Variants in MGAM observed in about 807,000 individuals in gnomAD.
The protein encoded by MGAM is alpha-1,4-glucosidase.
A neutral mutation model predicts 358.8 loss-of-function variants in MGAM; 253 were observed. That is an observed-to-expected ratio of 0.71 (90% CI 0.64 to 0.78). MGAM has a LOEUF of 0.78. Ranked by LOEUF, MGAM falls within the 30% of genes least tolerant of loss-of-function variation. MGAM has a pLI of 0.00. For missense variants in MGAM, 3,080 were observed against 3,432.6 expected (o/e 0.90, Z 2.57); for synonymous variants, 1,105 against 1,227.1 (o/e 0.90, Z 2.08).
chr7:142,055,313 G>T (rs1461314298), intron 27 of MGAM, among the ~76,000 whole-genome samples: 2 of 152,144 alleles, frequency 1.3e-5, no homozygotes, highest in Non-Finnish European at 2.9e-5. Context: ...GGGGTGCTTG[G>T]ATTTGTATTG....
intron 45 of MGAM, among the ~76,000 whole-genome samples, chr7:142,074,397 T>C (rs993989459): frequency 2.1e-5 from 3 of 141,542 alleles, no homozygotes; most frequent in African/African-American, 7.9e-5. Flanking sequence ...CATTCGCCAG[T>C]GATACCTATA....
At chr7:142,025,345 C>A (rs1288686568) in intron 8 of MGAM, among the ~76,000 whole-genome samples, 196 bp downstream of exon 8, 1 of 152,130 alleles carries the variant, frequency 6.6e-6, no homozygotes, top group Non-Finnish European at 1.5e-5. Flanking sequence ...GGGATTTTCT[C>A]CAACTTATGA....
chr7:142,055,487 TG>T lies in MGAM; in HGVS notation c.3315-70del, dbSNP rs1299799898. The T allele has an allele frequency of 8.2e-6, 13 of 1,593,734 alleles. No individual in the cohort carries two copies. In the African/African-American group the frequency reaches 1.6e-4, roughly 20 times the overall value. On this transcript the variant is annotated intron_variant, in intron 27 of 70. Transcript: ENST00000475668. ...TAGGAATCAAGTGTTCTGTTGTCCTTGAAAAGTCACCTGCTGGAAACAGAGA... is the reference window on the plus strand; with the variant it reads ...TAGGAATCAAGTGTTCTGTTGTCCTTAAAAGTCACCTGCTGGAAACAGAGA...
At chr7:142,072,571 T>C (rs1222107862) in intron 44 of MGAM, among the ~76,000 whole-genome samples, 1 of 146,420 alleles carries the variant, frequency 6.8e-6, no homozygotes, top group Non-Finnish European at 1.5e-5. Flanking sequence ...ATCTGAAGTG[T>C]TTAGGACCAT....
At position 142,005,627 on chromosome 7, in the gene MGAM, CT is replaced by C; in HGVS notation, c.101del (p.Leu34Ter). ...LFIISIVLIV[L>X]LAKESLKSTA... is the part of the protein sequence containing the mutation. ...TATCATCAGTATTGTTCTAATTGTG[CT>C]TTTAGCCAAAGAGTCACTGAAATCA... On this transcript the variant is annotated frameshift_variant, in exon 2 of 71. Coordinates refer to ENST00000475668, the MANE Select transcript of MGAM (RefSeq NM_001365693.1). LOFTEE classifies it high-confidence loss of function. The C allele has an allele frequency of 3.8e-6, 6 of 1,598,616 alleles. No homozygotes were observed. The South Asian group carries it at 4.5e-5, about 12-fold the overall frequency.
intron 19 of MGAM, 85 bp downstream of exon 19, chr7:142,038,700 C>A: frequency 9.5e-7 from 1 of 1,047,274 alleles, no homozygotes; most frequent in South Asian, 1.7e-5. Flanking sequence ...TTATTCCAAA[C>A]TCACTTCTGA....
chr7:142,020,831 A>C lies in MGAM; in HGVS notation c.449-143A>C. 4.7e-6 allele frequency: 3 copies of C among 636,622 alleles called. No individual in the cohort carries two copies. The South Asian group carries it at 5.3e-5, about 11-fold the overall frequency. The allele number at this position is 636,622 out of a possible 1,614,324, so 39.4% of individuals were successfully genotyped here. A position where few individuals can be genotyped will look rare whatever the true frequency, so the allele number is the denominator to read the frequency against. ...CTGGTCTCGAATTCCTGACCTTGTG[A>C]TCCACCTGCCTTGGCCTCCCAAAGT... On this transcript the variant is annotated intron_variant, in intron 4 of 70. Coordinates refer to ENST00000475668, the MANE Select transcript of MGAM (RefSeq NM_001365693.1).
chr7:142,086,807 A>T, intron 57 of MGAM, 90 bp downstream of exon 57: 1 of 633,386 alleles, frequency 1.6e-6, no homozygotes, highest in Non-Finnish European at 2.4e-6. Flanking sequence ...TACTGTGGAC[A>T]TGGGCTTGGC....
At position 142,079,504 on chromosome 7, in the gene MGAM, A is replaced by G. The variant is rs192833919; in HGVS notation, c.5847+496A>G. ...ATACTGAAAAGGTTTGTGCTTGATC[A>G]ATGTAAGATGATATGTTCAGTTTGG... On this transcript the variant is annotated intron_variant, in intron 49 of 70. Coordinates refer to ENST00000475668, the MANE Select transcript of MGAM (RefSeq NM_001365693.1). 1.4e-5 allele frequency among the ~76,000 whole-genome samples: 2 copies of G among 146,126 alleles called. 1 individual carries two copies. The highest frequency in any genetic ancestry group is 4.0e-4 in the East Asian group (2 of 4,972).
At chr7:142,080,292 A>T (rs1164800382) in intron 49 of MGAM, among the ~76,000 whole-genome samples, 2 of 146,180 alleles carry the variant, frequency 1.4e-5, no homozygotes, top group Non-Finnish European at 1.5e-5. Flanking sequence ...AAACCATAAC[A>T]CTGCCTTATT....
At chr7:142,062,860 G>A (rs188572100) in intron 35 of MGAM, among the ~76,000 whole-genome samples, 158 bp downstream of exon 35, 105 of 152,234 alleles carry the variant, frequency 6.9e-4, no homozygotes, top group African/African-American at 2.2e-3. Flanking sequence ...AACTGCCCTG[G>A]TAGCCCTCAC....
chr7:142,008,460 A>C (rs1284399667), intron 2 of MGAM, 46 bp from the exon 3 acceptor site: 1 of 1,542,898 alleles, frequency 6.5e-7, no homozygotes, highest in East Asian at 2.4e-5. Context: ...AATGTCTGTG[A>C]AATTAAATTT....
At chr7:142,002,566 C>A (rs372708215) in intron 1 of MGAM, among the ~76,000 whole-genome samples, 11 of 151,908 alleles carry the variant, frequency 7.2e-5, no homozygotes, top group East Asian at 5.8e-4. Flanking sequence ...CGTAGGGAGA[C>A]CATACCTCAA....
At chr7:142,103,639 A>G (rs1407301652) in intron 70 of MGAM, among the ~76,000 whole-genome samples, 200 bp downstream of exon 70, 2 of 152,052 alleles carry the variant, frequency 1.3e-5, no homozygotes, top group East Asian at 3.9e-4. Context: ...CATGGCCTGG[A>G]TTCTTACTTT....
intron 6 of MGAM, 103 bp downstream of exon 6, chr7:142,021,840 G>A (rs373435471): frequency 2.4e-6 from 3 of 1,240,114 alleles, no homozygotes; most frequent in Admixed American, 1.9e-5. Flanking sequence ...AAGGTTGTGG[G>A]CCCATTATTG....
At chr7:142,066,150 T>C (rs1812734712) in intron 40 of MGAM, among the ~76,000 whole-genome samples, 1 of 144,532 alleles carries the variant, frequency 6.9e-6, no homozygotes, top group Non-Finnish European at 1.6e-5. Flanking sequence ...TTTGTAGAAA[T>C]GGGATCTTGC....
At chr7:142,062,863 G>A (rs1401665584) in intron 35 of MGAM, among the ~76,000 whole-genome samples, 161 bp downstream of exon 35, 1 of 152,136 alleles carries the variant, frequency 6.6e-6, no homozygotes, top group Admixed American at 6.5e-5. Flanking sequence ...TGCCCTGGTA[G>A]CCCTCACACC....
chr7:142,051,195 G>T (rs1810916749), intron 24 of MGAM, among the ~76,000 whole-genome samples: 1 of 152,134 alleles, frequency 6.6e-6, no homozygotes, highest in Non-Finnish European at 1.5e-5. Context: ...TGTGAATTTT[G>T]TATGACTAGC....
chr7:142,070,052 G>T (rs1674425903), intron 43 of MGAM, among the ~76,000 whole-genome samples: 1 of 144,700 alleles, frequency 6.9e-6, no homozygotes, highest in Admixed American at 7.0e-5. Context: ...AATTAGCCGG[G>T]TGTAGGGGCA....
Sources: allele counts gnomAD v4.1 joint callset (sites outside exome capture counted in the v4.1 genomes callset), GRCh38; gene constraint gnomAD v4.1.1; transcripts MANE v1.5; gene names NCBI Gene and HGNC (gene_info 2026-07-23, HGNC 2026-07-21).